The following ENOSF1 variants were observed in gnomAD, a reference collection of about 807,000 sequenced individuals.
The protein encoded by ENOSF1 is enolase superfamily member 1.
Under a neutral mutation model 68.2 loss-of-function variants are expected in ENOSF1, and 73 were observed. The ratio of observed to expected loss-of-function variants is 1.07; its 90% CI spans 0.89 to 1.30. ENOSF1 has a LOEUF of 1.30. ENOSF1 is among the 50% of genes most tolerant of loss of function. The probability of loss-of-function intolerance (pLI) is 0.00; values close to 1 mark genes in which losing one functional copy is unlikely to be tolerated. For synonymous variants in ENOSF1, 223 were observed against 210.4 expected (o/e 1.06, Z -0.52); for missense variants, 589 against 554.5 (o/e 1.06, Z -0.62).
chr18:686,033 G>A (rs999286625), intron 9 of ENOSF1, 25 bp from the exon 10 acceptor site: 19 of 1,565,418 alleles, frequency 1.2e-5, no homozygotes, highest in Admixed American at 6.7e-5. Context: ...TGGTTTGCTA[G>A]TTTAGACCTG....
At position 671,214 on chromosome 18, in the gene ENOSF1, C is replaced by A; in HGVS notation, c.*3091G>T. The A allele has an allele frequency of 1.6e-6, 1 of 638,802 alleles. No homozygotes were observed. Among genetic ancestry groups the A allele is most frequent in the Non-Finnish European group, 2.8e-6 (1 of 363,108 alleles). 39.6% of individuals were successfully genotyped at this position (638,802 alleles called of 1,614,324 possible). A position where few individuals can be genotyped will look rare whatever the true frequency, so the allele number is the denominator to read the frequency against. On this transcript the variant is annotated 3_prime_UTR_variant, in exon 16 of 16. Transcript: ENST00000647584. The stretch of plus-strand genomic sequence containing the variant: ...CTTGAGGTCTGGAGTTCAATACCAG[C>A]CTGGGCAACATAACAAGATGCTGTT...
Position 671,774 on chromosome 18 carries a change from TTTTTCC to T in ENOSF1, c.*2525_*2530del, listed in dbSNP as rs1356457623. ...TTGAAGGAGAATTGAAGTGCAAATGTTTTTCCTTTTCTTTTTTTTTTGAGATGGAGT... is the reference window on the plus strand; with the variant it reads ...TTGAAGGAGAATTGAAGTGCAAATGTTTTTCTTTTTTTTTTGAGATGGAGT... On this transcript the variant is annotated 3_prime_UTR_variant, in exon 16 of 16. Transcript: ENST00000647584. The T allele has an allele frequency of 2.5e-5, 7 of 283,856 alleles. No homozygotes were observed. Among genetic ancestry groups the T allele is most frequent in the African/African-American group, 3.3e-5 (1 of 30,134 alleles). 17.6% of individuals were successfully genotyped at this position (283,856 alleles called of 1,614,324 possible).
intron 2 of ENOSF1, among the ~76,000 whole-genome samples, chr18:703,381 G>A (rs1404973893): frequency 1.1e-5 from 1 of 91,152 alleles, no homozygotes. Context: ...GGGTCCAATG[G>A]CCTAACATTA....
chr18:684,641 A>T (rs1435811127), intron 10 of ENOSF1, among the ~76,000 whole-genome samples: 1 of 152,156 alleles, frequency 6.6e-6, no homozygotes. Context: ...AAATCTAGTG[A>T]ATGGTGAGTT....
rs988219997 is a variant in ENOSF1 at position 692,771 on chromosome 18, T to A, written c.423+1111A>T. 9.4e-5 allele frequency: 94 copies of A among 1,000,510 alleles called. No homozygotes were observed. In the African/African-American group the frequency reaches 1.6e-3, roughly 17 times the overall value. 62.0% of individuals were successfully genotyped at this position (1,000,510 alleles called of 1,614,324 possible). ...CCTCCATCCCCGTAAAACGCCAACC[T>A]TGAATCTAGAAGGGGGCTCAAGAGC... On this transcript the variant is annotated intron_variant, in intron 5 of 15. Transcript: ENST00000647584.
intron 3 of ENOSF1, among the ~76,000 whole-genome samples, chr18:696,372 C>T (rs560772369): frequency 4.6e-5 from 7 of 151,888 alleles, no homozygotes; most frequent in Non-Finnish European, 1.0e-4. Context: ...CCACCATGCC[C>T]GGCTAATTTT....
rs1192718184 is a variant in ENOSF1 at position 671,462 on chromosome 18, G to C, written c.*2843C>G. The C allele has an allele frequency of 6.3e-7, 1 of 1,590,798 alleles. No homozygotes were observed. Among genetic ancestry groups the C allele is most frequent in the Non-Finnish European group, 8.6e-7 (1 of 1,159,630 alleles). On this transcript the variant is annotated 3_prime_UTR_variant, in exon 16 of 16. Transcript: ENST00000647584. Reference sequence around the variant, plus strand: ...CCACTGAAAATTCAGGTAAGAATTAGATGTTATACTTTTGGGTTTGGTACC... The same window carrying C: ...CCACTGAAAATTCAGGTAAGAATTACATGTTATACTTTTGGGTTTGGTACC...
rs147206140 is a variant in ENOSF1 at position 706,520 on chromosome 18, C to T, written c.143G>A (p.Gly48Glu). 50 of 1,613,820 alleles carry T rather than the reference C, an allele frequency of 3.1e-5. No homozygotes were observed. Among genetic ancestry groups the T allele is most frequent in the Non-Finnish European group, 3.6e-5 (42 of 1,179,914 alleles). ...GAAGGTAATTCCACACCCCTTGATTCCATCTTCTGCATCAGTTTCTATGAC... is the reference window on the plus strand; with the variant it reads ...GAAGGTAATTCCACACCCCTTGATTTCATCTTCTGCATCAGTTTCTATGAC... ...YVVIETDAED[G>E]IKGCGITFTL... The change falls in exon 2 of 16, where the codon GGA becomes GAA. Residue 48 changes from glycine to glutamate, a missense_variant. By Grantham distance (98) the Gly-to-Glu change is moderately conservative. Transcript: ENST00000647584.
In ENOSF1 at chr18:671,313, GT is replaced by G. The variant is rs2075040341; in HGVS notation, c.*2991del. ...CCTTGCGGTGTCTGCATATTCTAATGTTTTTAAATGATGTTTTAAAGAATTG... is the reference window on the plus strand; with the variant it reads ...CCTTGCGGTGTCTGCATATTCTAATGTTTTAAATGATGTTTTAAAGAATTG... On this transcript the variant is annotated 3_prime_UTR_variant, in exon 16 of 16. Transcript: ENST00000647584. 5.6e-6 allele frequency: 6 copies of G among 1,065,728 alleles called. No homozygotes were observed. In the East Asian group the frequency reaches 9.4e-5, roughly 17 times the overall value. 66.0% of individuals were successfully genotyped at this position (1,065,728 alleles called of 1,614,324 possible). A position where few individuals can be genotyped will look rare whatever the true frequency, so the allele number is the denominator to read the frequency against.
intron 9 of ENOSF1, chr18:686,289 C>A: frequency 2.8e-6 from 1 of 351,162 alleles, no homozygotes; most frequent in Non-Finnish European, 5.2e-6. Context: ...CCGTTTTTGC[C>A]GGGCCATGAA....
At position 672,777 on chromosome 18, in the gene ENOSF1, T is replaced by C; in HGVS notation, c.*1528A>G. On this transcript the variant is annotated 3_prime_UTR_variant, in exon 16 of 16. Coordinates refer to ENST00000647584, the MANE Select transcript of ENOSF1 (RefSeq NM_017512.7). ...AAATAGAACTTTGTTGATCACATCC[T>C]GTGTACTTGTTTCACGGACATGAGG... is the stretch of plus-strand genomic sequence containing the variant. 1.4e-6 allele frequency: 2 copies of C among 1,427,908 alleles called. No homozygotes were observed. The highest frequency in any genetic ancestry group is 1.9e-6 in the Non-Finnish European group (2 of 1,052,142). The allele number at this position is 1,427,908 out of a possible 1,614,324, so 88.5% of individuals were successfully genotyped here.
chr18:692,192 G>A (rs1403944523), intron 5 of ENOSF1: 9 of 152,180 alleles, frequency 5.9e-5, no homozygotes, highest in African/African-American at 1.2e-4. Flanking sequence ...CCACCCTGAC[G>A]GAACAGTCAG....
At chr18:663,870 A>G in the ENOSF1 span, among the ~76,000 whole-genome samples, 1 of 110,160 alleles carries the variant, frequency 9.1e-6, no homozygotes, top group Non-Finnish European at 1.8e-5. Flanking sequence ...TGTTCCATTG[A>G]TCTATATGTC....
At position 693,441 on chromosome 18, in the gene ENOSF1, T is replaced by A. The variant is rs372415137; in HGVS notation, c.423+441A>T. 8.1e-6 allele frequency: 8 copies of A among 984,096 alleles called. No homozygotes were observed. In the African/African-American group the frequency reaches 1.4e-4, roughly 17 times the overall value. The allele number at this position is 984,096 out of a possible 1,614,324, so 61.0% of individuals were successfully genotyped here. On this transcript the variant is annotated intron_variant, in intron 5 of 15. Transcript: ENST00000647584. ...AGCCATCCTCCAGCCTTCCAAAGTA[T>A]TGGGATTACAGGCTTGAGCCACCAT... is the stretch of plus-strand genomic sequence containing the variant.
chr18:672,786 G>A lies in ENOSF1; in HGVS notation c.*1519C>T, dbSNP rs973105154. 3.4e-5 allele frequency: 50 copies of A among 1,470,904 alleles called. No individual in the cohort carries two copies. Among genetic ancestry groups the A allele is most frequent in the Non-Finnish European group, 4.4e-5 (48 of 1,085,182 alleles). The allele number at this position is 1,470,904 out of a possible 1,614,324, so 91.1% of individuals were successfully genotyped here. A position where few individuals can be genotyped will look rare whatever the true frequency, so the allele number is the denominator to read the frequency against. On this transcript the variant is annotated 3_prime_UTR_variant, in exon 16 of 16. Transcript: ENST00000647584. ...TTTGTTGATCACATCCTGTGTACTT[G>A]TTTCACGGACATGAGGAGCAATTAC... is the stretch of plus-strand genomic sequence containing the variant.
chr18:693,858 T>C, intron 5 of ENOSF1, 24 bp downstream of exon 5: 1 of 1,613,100 alleles, frequency 6.2e-7, no homozygotes, highest in Middle Eastern at 1.7e-4. Context: ...CAGAAACAAT[T>C]GTAACATTAA....
intron 5 of ENOSF1, chr18:693,278 TG>T (rs1338015487): frequency 3.9e-6 from 5 of 1,273,908 alleles, no homozygotes; most frequent in Non-Finnish European, 5.1e-6. Flanking sequence ...GAGGCTACAA[TG>T]GCCTGATCTT....
chr18:683,483 C>T lies in ENOSF1; in HGVS notation c.742-103G>A, dbSNP rs1014385120. On this transcript the variant is annotated intron_variant, in intron 10 of 15. Coordinates refer to ENST00000647584, the MANE Select transcript of ENOSF1 (RefSeq NM_017512.7). Reference sequence around the variant, plus strand: ...TGCTGTCACTCAGTGCCACCAACAGCTGAGTGAGACCCCCTAACGCCTCTG... The same window carrying T: ...TGCTGTCACTCAGTGCCACCAACAGTTGAGTGAGACCCCCTAACGCCTCTG... The T allele has an allele frequency of 2.9e-6, 4 of 1,374,546 alleles. No individual in the cohort carries two copies. In the Admixed American group the frequency reaches 5.6e-5, roughly 19 times the overall value. The allele number at this position is 1,374,546 out of a possible 1,614,324, so 85.1% of individuals were successfully genotyped here.
At chr18:703,617 C>T (rs2078609668) in intron 2 of ENOSF1, among the ~76,000 whole-genome samples, 1 of 152,202 alleles carries the variant, frequency 6.6e-6, no homozygotes, top group South Asian at 2.1e-4. Context: ...GCGGGACTGA[C>T]TCACAGCATG....
Sources: gnomAD v4.1 joint callset for allele counts (sites outside exome capture counted in the v4.1 genomes callset) on GRCh38, gnomAD v4.1.1 for gene constraint, MANE v1.5 for transcripts, NCBI Gene and HGNC (gene_info 2026-07-23, HGNC 2026-07-21) for gene names.